GALNT14: variants seen among roughly 807,000 people sequenced by gnomAD.
GALNT14 encodes polypeptide N-acetylgalactosaminyltransferase 14.
A neutral mutation model predicts 77.5 loss-of-function variants in GALNT14; 60 were observed. That is an observed-to-expected ratio of 0.77 (90% CI 0.63 to 0.96). The LOEUF (loss-of-function observed/expected upper bound fraction) is 0.96, where lower values mean the gene tolerates loss of function less well. Among genes scored for constraint, GALNT14 ranks in the 40% least tolerant of loss-of-function variants. The probability of loss-of-function intolerance (pLI) is 0.00; values close to 1 mark genes in which losing one functional copy is unlikely to be tolerated. For missense variants in GALNT14, 710 were observed against 731.0 expected (o/e 0.97, Z 0.33); for synonymous variants, 280 against 281.7 (o/e 0.99, Z 0.06).
chr2:31,097,958 T>C (rs1385570813), intron 1 of GALNT14, among the ~76,000 whole-genome samples: 1 of 152,172 alleles, frequency 6.6e-6, no homozygotes, highest in African/African-American at 2.4e-5. Flanking sequence ...GTTTGCCTAG[T>C]TAATTTCCAT....
At chr2:31,087,938 G>A (rs566328867) in intron 1 of GALNT14, among the ~76,000 whole-genome samples, 48 of 152,264 alleles carry the variant, frequency 3.2e-4, no homozygotes, top group African/African-American at 8.9e-4. Flanking sequence ...GAGCTCCCTC[G>A]CCCCTTTTCT....
chr2:31,122,269 C>T (rs1032131550), intron 1 of GALNT14, among the ~76,000 whole-genome samples: 5 of 152,180 alleles, frequency 3.3e-5, no homozygotes, highest in East Asian at 1.9e-4. Context: ...ATGAAACAGC[C>T]GTGATGGTGA....
intron 2 of GALNT14, among the ~76,000 whole-genome samples, chr2:30,969,681 C>T (rs1382960133): frequency 6.6e-6 from 1 of 152,146 alleles, no homozygotes; most frequent in Non-Finnish European, 1.5e-5. Context: ...GTCATGGGCA[C>T]AGAACTAGAC....
intron 9 of GALNT14, among the ~76,000 whole-genome samples, chr2:30,937,150 T>C (rs904963155): frequency 6.6e-6 from 1 of 152,140 alleles, no homozygotes; most frequent in Non-Finnish European, 1.5e-5. Context: ...ATGGAAAGGG[T>C]GAGGCTGAAA....
intron 1 of GALNT14, among the ~76,000 whole-genome samples, chr2:31,016,520 T>C (rs1671370134): frequency 6.6e-6 from 1 of 151,828 alleles, no homozygotes; most frequent in Non-Finnish European, 1.5e-5. Flanking sequence ...TGAACCACAG[T>C]GGGTGCCACT....
At chr2:30,961,848 A>AT (rs1363782362) in intron 3 of GALNT14, among the ~76,000 whole-genome samples, 1 of 151,200 alleles carries the variant, frequency 6.6e-6, no homozygotes, top group Non-Finnish European at 1.5e-5. Flanking sequence ...TGCCCAGCTA[A>AT]TTTTTTGGTT....
intron 4 of GALNT14, among the ~76,000 whole-genome samples, chr2:30,958,190 T>G (rs1667479889): frequency 6.6e-6 from 1 of 152,070 alleles, no homozygotes; most frequent in Non-Finnish European, 1.5e-5. Context: ...AGACTGCAGA[T>G]TATTGCAGAG....
the GALNT14 span, among the ~76,000 whole-genome samples, chr2:30,902,449 TC>T: frequency 6.6e-6 from 1 of 152,210 alleles, no homozygotes; most frequent in Middle Eastern, 3.4e-3. Context: ...ACCCTCCACA[TC>T]CTTTAAGGTG....
chr2:30,993,831 G>C (rs1236264349), intron 1 of GALNT14, among the ~76,000 whole-genome samples: 1 of 152,220 alleles, frequency 6.6e-6, no homozygotes, highest in Non-Finnish European at 1.5e-5. Context: ...GCAGAGCTCA[G>C]TCTCTGTGGC....
chr2:30,954,938 T>C (rs1667264354), intron 6 of GALNT14, among the ~76,000 whole-genome samples: 1 of 152,208 alleles, frequency 6.6e-6, no homozygotes, highest in South Asian at 2.1e-4. Flanking sequence ...ACAGTACGAA[T>C]GCTAGTCATT....
At chr2:31,088,607 A>G (rs1288643008) in intron 1 of GALNT14, among the ~76,000 whole-genome samples, 1 of 152,228 alleles carries the variant, frequency 6.6e-6, no homozygotes, top group Non-Finnish European at 1.5e-5. Flanking sequence ...CAAACCTGTA[A>G]GCAAAAACAT....
chr2:31,028,935 C>T (rs774844364), intron 1 of GALNT14, among the ~76,000 whole-genome samples: 3 of 152,012 alleles, frequency 2.0e-5, no homozygotes, highest in Non-Finnish European at 4.4e-5. Flanking sequence ...GTTCAAAAAC[C>T]AAAAAAGCTG....
chr2:31,114,446 A>T (rs1018094220), intron 1 of GALNT14, among the ~76,000 whole-genome samples: 13 of 152,222 alleles, frequency 8.5e-5, no homozygotes, highest in Non-Finnish European at 1.6e-4. Context: ...CACATGAACA[A>T]GAAAGACTTT....
intron 9 of GALNT14, among the ~76,000 whole-genome samples, chr2:30,934,795 C>A (rs1319410081): frequency 6.6e-6 from 1 of 152,174 alleles, no homozygotes; most frequent in Non-Finnish European, 1.5e-5. Context: ...GTCGCCTCTG[C>A]TCCCAGAGTT....
At chr2:30,959,063 G>A (rs1667535263) in intron 3 of GALNT14, among the ~76,000 whole-genome samples, 1 of 152,130 alleles carries the variant, frequency 6.6e-6, no homozygotes, top group Non-Finnish European at 1.5e-5. Flanking sequence ...CAGTGCCGCT[G>A]TCTGAAGCTG....
rs998575164 is a variant in GALNT14, at chr2:30,974,336, G to A, written c.300-8034C>T. On this transcript the variant is annotated intron_variant, in intron 2 of 14. Transcript: ENST00000349752. ...TACTGCAGCAACTTCCTCTCTGGCT[G>A]TATCCCTTTTCAATCTACCCTGCAT... is the stretch of plus-strand genomic sequence containing the variant. 3.3e-5 allele frequency among the ~76,000 whole-genome samples: 5 copies of A among 152,216 alleles called. No homozygotes were observed. In the East Asian group the frequency reaches 7.7e-4, roughly 23 times the overall value.
the GALNT14 span, among the ~76,000 whole-genome samples, chr2:30,902,249 C>T: frequency 6.6e-6 from 1 of 152,146 alleles, no homozygotes; most frequent in Non-Finnish European, 1.5e-5. Context: ...ACTTTTAAAT[C>T]CCCAACTCCT....
chr2:31,021,127 C>G (rs955288530), intron 1 of GALNT14, among the ~76,000 whole-genome samples: 1 of 152,008 alleles, frequency 6.6e-6, no homozygotes, highest in Non-Finnish European at 1.5e-5. Context: ...GAACAGCCAG[C>G]AGGTGCTGCA....
At chr2:30,969,239 A>G (rs901368872) in intron 2 of GALNT14, among the ~76,000 whole-genome samples, 3 of 152,204 alleles carry the variant, frequency 2.0e-5, no homozygotes, top group African/African-American at 7.2e-5. Flanking sequence ...GGTGTGTCCA[A>G]TGGCCAGGCC....
Sources: gnomAD v4.1 joint callset for allele counts (sites outside exome capture counted in the v4.1 genomes callset) on GRCh38, gnomAD v4.1.1 for gene constraint, MANE v1.5 for transcripts, NCBI Gene and HGNC (gene_info 2026-07-23, HGNC 2026-07-21) for gene names.